CCDC93: variants seen among roughly 807,000 people sequenced by gnomAD.
CCDC93 encodes the protein CCC complex scaffolding subunit CCDC93, also known as coiled-coil domain-containing protein 93.
A neutral mutation model predicts 108.2 loss-of-function variants in CCDC93; 61 were observed. The observed-to-expected ratio is 0.56, with a 90% confidence interval of 0.46 to 0.70. CCDC93 has a LOEUF of 0.70. CCDC93 is among the 30% of genes least tolerant of loss of function. CCDC93 has a pLI of 0.00. For missense variants in CCDC93, 685 were observed against 764.2 expected, an observed-to-expected ratio of 0.90 and a Z score of 1.22; for synonymous variants, 276 against 260.4, an observed-to-expected ratio of 1.06 and a Z score of -0.58.
chr2:117,946,512 CA>C (rs1678877381), intron 16 of CCDC93, among the ~76,000 whole-genome samples: 1 of 152,142 alleles, frequency 6.6e-6, no homozygotes, highest in South Asian at 2.1e-4. Flanking sequence ...AACGGGTGAG[CA>C]GGAAATAGAG....
chr2:117,929,641 T>C (rs1678258050), intron 23 of CCDC93, among the ~76,000 whole-genome samples: 1 of 152,208 alleles, frequency 6.6e-6, no homozygotes, highest in Admixed American at 6.5e-5. Flanking sequence ...TCTTCTCCTT[T>C]TGTTAGTTTT....
At chr2:117,925,792 C>T (rs1372872304) in intron 23 of CCDC93, among the ~76,000 whole-genome samples, 9 of 152,288 alleles carry the variant, frequency 5.9e-5, no homozygotes, top group African/African-American at 1.7e-4. Flanking sequence ...CAGAACTCTC[C>T]ACCCCAAATC....
At position 117,985,601 on chromosome 2, in the gene CCDC93, C is replaced by A. The variant is rs557966746; in HGVS notation, c.620+368G>T. On this transcript the variant is annotated intron_variant, in intron 7 of 23. Coordinates refer to ENST00000376300, the MANE Select transcript of CCDC93 (RefSeq NM_019044.5). Reference sequence around the variant, plus strand: ...AAGTTCTTCATTTTCCTAGTTAGGACAATATTCACAGGAAATTGAAATTAT... The same window carrying A: ...AAGTTCTTCATTTTCCTAGTTAGGAAAATATTCACAGGAAATTGAAATTAT... 7 of 156,980 alleles carry A rather than the reference C, an allele frequency of 4.5e-5. No individual in the cohort carries two copies. The South Asian group carries it at 1.2e-3, about 27-fold the overall frequency. 9.7% of individuals were successfully genotyped at this position (156,980 alleles called of 1,614,324 possible).
intron 6 of CCDC93, among the ~76,000 whole-genome samples, chr2:117,989,450 T>C (rs55703214): frequency 0.053 from 8,045 of 152,288 alleles, 283 homozygotes; most frequent in Non-Finnish European, 0.082. Flanking sequence ...AGAAAGCTTA[T>C]ATATGCTACT....
chr2:117,958,348 G>A lies in CCDC93; in HGVS notation c.1005+17C>T, dbSNP rs761916896. The A allele has an allele frequency of 9.6e-5, 142 of 1,482,192 alleles. 1 individual carries two copies. The South Asian group carries it at 1.4e-3, about 14-fold the overall frequency. 91.8% of individuals were successfully genotyped at this position (1,482,192 alleles called of 1,614,324 possible). Reference sequence around the variant, plus strand: ...CCATGAAGATCTTGAATAAACTTACGAAAAGAAAACACTGACCTCTTCAAG... The same window carrying A: ...CCATGAAGATCTTGAATAAACTTACAAAAAGAAAACACTGACCTCTTCAAG... On this transcript the variant is annotated intron_variant, in intron 12 of 23. Coordinates refer to ENST00000376300, the MANE Select transcript of CCDC93 (RefSeq NM_019044.5).
chr2:117,985,880 G>T, intron 7 of CCDC93, 89 bp downstream of exon 7: 1 of 765,552 alleles, frequency 1.3e-6, no homozygotes, highest in Non-Finnish European at 2.2e-6. Flanking sequence ...AACTCAATCG[G>T]GTAGAAGCTA....
chr2:117,985,146 C>CAA (rs11299175), intron 7 of CCDC93, among the ~76,000 whole-genome samples: 10,436 of 140,972 alleles, frequency 0.074, 429 homozygotes, highest in South Asian at 0.15. Flanking sequence ...CAAAACAAAA[C>CAA]AAAAAAAAAA....
intron 11 of CCDC93, among the ~76,000 whole-genome samples, chr2:117,966,474 GC>G (rs1426973066): frequency 2.0e-5 from 3 of 152,228 alleles, no homozygotes; most frequent in African/African-American, 4.8e-5. Flanking sequence ...GCTCCCTTTT[GC>G]TTATAGCAAC....
chr2:117,939,646 G>A (rs932749481), intron 19 of CCDC93, among the ~76,000 whole-genome samples: 1 of 152,184 alleles, frequency 6.6e-6, no homozygotes, highest in African/African-American at 2.4e-5. Flanking sequence ...AACTGTCACT[G>A]CTGATCCCTG....
intron 17 of CCDC93, chr2:117,944,893 A>C (rs1252413787): frequency 2.2e-6 from 1 of 453,590 alleles, no homozygotes; most frequent in East Asian, 7.0e-5. Flanking sequence ...TTCCTTTCCT[A>C]TCTCTTTCTT....
Position 117,949,320 on chromosome 2 carries a change from A to AC in CCDC93, c.1142+1dup. 6.2e-7 allele frequency: 1 copy of AC among 1,608,528 alleles called. No homozygotes were observed. The highest frequency in any genetic ancestry group is 8.5e-7 in the Non-Finnish European group (1 of 1,175,182). On this transcript the variant is annotated splice_donor_variant, in intron 14 of 23. Coordinates refer to ENST00000376300, the MANE Select transcript of CCDC93 (RefSeq NM_019044.5). LOFTEE classifies it high-confidence loss of function. ...AAATAAGCACATGCTGAAACCTCTTACCTTGGATCAGCTTTGGATTCTATC... is the reference window on the plus strand; with the variant it reads ...AAATAAGCACATGCTGAAACCTCTTACCCTTGGATCAGCTTTGGATTCTATC...
At position 117,935,412 on chromosome 2, in the gene CCDC93, C is replaced by T. The variant is rs145071319; in HGVS notation, c.1728+83G>A. The T allele has an allele frequency of 9.0e-4, 879 of 977,230 alleles. 16 individuals are homozygous for T. In the East Asian group the frequency reaches 0.018, roughly 20 times the overall value. 60.5% of individuals were successfully genotyped at this position (977,230 alleles called of 1,614,324 possible). A position where few individuals can be genotyped will look rare whatever the true frequency, so the allele number is the denominator to read the frequency against. ...GGATTGAGGGCACACTCCCCAACTA[C>T]CAGAAGAGGCCTTTTCTTCCCAGGA... On this transcript the variant is annotated intron_variant, in intron 22 of 23. Transcript: ENST00000376300.
chr2:117,986,063 A>T lies in CCDC93; in HGVS notation c.526T>A (p.Tyr176Asn). Residue 176 changes from tyrosine (Y) to asparagine (N), a missense_variant, in exon 7 of 24, where the codon TAC becomes AAC. Tyr to Asn is a moderately radical substitution (Grantham distance 143). Coordinates refer to ENST00000376300, the MANE Select transcript of CCDC93 (RefSeq NM_019044.5). The stretch of plus-strand genomic sequence containing the variant: ...CGTTTGTATTTCCGACGGGGCTTGT[A>T]CACTTCCTAAGTGGATGAGACAGCC... ...IKTVVDLSEV[Y>N]KPRRKYKRHQ... The T allele has an allele frequency of 6.2e-7, 1 of 1,608,380 alleles. No homozygotes were observed. The highest frequency in any genetic ancestry group is 1.7e-5 in the Admixed American group (1 of 59,914).
chr2:118,013,096 A>C (rs1677062609), intron 1 of CCDC93, among the ~76,000 whole-genome samples: 1 of 152,220 alleles, frequency 6.6e-6, no homozygotes, highest in South Asian at 2.1e-4. Context: ...ATCAACTGAA[A>C]GGGACGACAG....
chr2:117,950,346 T>C, intron 13 of CCDC93: 10 of 985,404 alleles, frequency 1.0e-5, no homozygotes, highest in South Asian at 4.7e-5. Flanking sequence ...TACTTAGACA[T>C]AAAAGAATAC....
chr2:117,920,808 A>C (rs962369929), intron 23 of CCDC93, among the ~76,000 whole-genome samples: 1 of 152,222 alleles, frequency 6.6e-6, no homozygotes, highest in Non-Finnish European at 1.5e-5. Flanking sequence ...ATAGCAGGCA[A>C]AACACATAGA....
chr2:118,001,082 A>G (rs1182410961), intron 3 of CCDC93, 150 bp from the exon 4 acceptor site: 1 of 576,056 alleles, frequency 1.7e-6, no homozygotes, highest in Non-Finnish European at 3.1e-6. Context: ...ATGACTGCAA[A>G]ATGAGAAAAA....
In CCDC93 at chr2:118,008,563, G is replaced by A. The variant is rs1183175460; in HGVS notation, c.138C>T (p.Gly46=). 4 of 1,602,620 alleles carry A rather than the reference G, an allele frequency of 2.5e-6. No homozygotes were observed. In the Admixed American group the frequency reaches 5.0e-5, roughly 20 times the overall value. The change falls in exon 2 of 24, where the codon GGC becomes GGT. Residue 46 remains glycine (G), a synonymous_variant. Coordinates refer to ENST00000376300, the MANE Select transcript of CCDC93 (RefSeq NM_019044.5). Reference sequence around the variant, plus strand: ...CCCTTACCTTGTCAAAGGGTGATAAGCCTTTAATTCTTGCCCTGAAATACC... The same window carrying A: ...CCCTTACCTTGTCAAAGGGTGATAAACCTTTAATTCTTGCCCTGAAATACC... ...AAGYFRARIK[G]LSPFDKVVGG...
chr2:117,960,359 T>C (rs1679348376), intron 11 of CCDC93, among the ~76,000 whole-genome samples: 1 of 152,210 alleles, frequency 6.6e-6, no homozygotes, highest in African/African-American at 2.4e-5. Flanking sequence ...CAGGCTCCAG[T>C]GGATCCACGT....
Sources: gnomAD v4.1 joint callset for allele counts (sites outside exome capture counted in the v4.1 genomes callset) on GRCh38, gnomAD v4.1.1 for gene constraint, MANE v1.5 for transcripts, NCBI Gene and HGNC (gene_info 2026-07-23, HGNC 2026-07-21) for gene names.